The following GPC5 variants were observed in gnomAD, a reference collection of about 807,000 sequenced individuals.
GPC5 encodes glypican 5.
GPC5 carries 47 observed loss-of-function variants against 53.9 expected under a neutral mutation model. The ratio of observed to expected loss-of-function variants is 0.87; its 90% CI spans 0.69 to 1.11. The LOEUF (loss-of-function observed/expected upper bound fraction) is 1.11, where lower values mean the gene tolerates loss of function less well. Among genes scored for constraint, GPC5 ranks in the 50% most tolerant of loss-of-function variants. The pLI is 0.00. For missense variants in GPC5, 748 were observed against 713.1 expected (o/e 1.05, Z -0.56); for synonymous variants, 286 against 263.3 (o/e 1.09, Z -0.84).
chr13:92,399,275 T>C (rs542618974), intron 7 of GPC5, among the ~76,000 whole-genome samples: 6 of 152,302 alleles, frequency 3.9e-5, no homozygotes, highest in South Asian at 2.1e-4. Context: ...TATAGACCCT[T>C]AAAATAATTA....
intron 7 of GPC5, among the ~76,000 whole-genome samples, chr13:92,553,859 T>A (rs1882403617): frequency 1.3e-5 from 2 of 151,980 alleles, no homozygotes; most frequent in Non-Finnish European, 2.9e-5. Context: ...TTTTTAACAG[T>A]TTGCCCAATG....
chr13:92,303,711 A>G (rs1003942065), intron 7 of GPC5, among the ~76,000 whole-genome samples: 2 of 152,214 alleles, frequency 1.3e-5, no homozygotes, highest in African/African-American at 2.4e-5. Flanking sequence ...CCAAGGTCAT[A>G]ATGCATAGAA....
intron 5 of GPC5, among the ~76,000 whole-genome samples, chr13:91,801,810 A>AT (rs1292357510): frequency 6.6e-6 from 1 of 152,198 alleles, no homozygotes; most frequent in Non-Finnish European, 1.5e-5. Flanking sequence ...TTGCACCAGT[A>AT]TTTGAATTCA....
At chr13:92,525,733 G>C (rs1881253430) in intron 7 of GPC5, among the ~76,000 whole-genome samples, 1 of 151,944 alleles carries the variant, frequency 6.6e-6, no homozygotes, top group South Asian at 2.1e-4. Context: ...AACTGCCAAA[G>C]GAAAAGTGAA....
intron 6 of GPC5, among the ~76,000 whole-genome samples, chr13:92,120,942 T>C (rs980663651): frequency 1.3e-5 from 2 of 152,300 alleles, no homozygotes; most frequent in Non-Finnish European, 2.9e-5. Context: ...TTATTTCCTA[T>C]CCACTAGCAT....
chr13:92,398,755 C>CT (rs895595741), intron 7 of GPC5, among the ~76,000 whole-genome samples: 1 of 151,906 alleles, frequency 6.6e-6, no homozygotes, highest in South Asian at 2.1e-4. Flanking sequence ...CGAATAAAAC[C>CT]TTTTTTTTCT....
intron 5 of GPC5, among the ~76,000 whole-genome samples, chr13:91,897,764 A>C (rs1483286091): frequency 2.0e-5 from 3 of 152,312 alleles, no homozygotes; most frequent in Middle Eastern, 3.4e-3. Flanking sequence ...CTCTCTGTTA[A>C]AACACATCTC....
intron 6 of GPC5, among the ~76,000 whole-genome samples, chr13:92,080,218 G>C (rs532860690): frequency 6.6e-6 from 1 of 151,776 alleles, no homozygotes; most frequent in South Asian, 2.1e-4. Flanking sequence ...CTGCACCATC[G>C]TTCTCCACAG....
At chr13:92,412,417 G>C (rs553059590) in intron 7 of GPC5, among the ~76,000 whole-genome samples, 1 of 152,180 alleles carries the variant, frequency 6.6e-6, no homozygotes, top group African/African-American at 2.4e-5. Flanking sequence ...AAATGATATC[G>C]TGTGTTCAGT....
intron 7 of GPC5, among the ~76,000 whole-genome samples, chr13:92,394,264 A>T (rs978286322): frequency 1.3e-5 from 2 of 152,136 alleles, no homozygotes; most frequent in South Asian, 4.1e-4. Flanking sequence ...TCATCTATAC[A>T]TATTTTGTGT....
intron 2 of GPC5, among the ~76,000 whole-genome samples, chr13:91,526,693 A>G (rs1886101317): frequency 6.6e-6 from 1 of 152,140 alleles, no homozygotes; most frequent in African/African-American, 2.4e-5. Flanking sequence ...TGACGCTTGT[A>G]TTAGTCCATT....
chr13:92,758,732 AAAT>A (rs971017789), intron 7 of GPC5, among the ~76,000 whole-genome samples: 1 of 152,084 alleles, frequency 6.6e-6, no homozygotes, highest in African/African-American at 2.4e-5. Context: ...TACCTGTAAA[AAAT>A]AATAATTCAG....
chr13:92,194,852 G>C (rs938300957), intron 7 of GPC5, among the ~76,000 whole-genome samples: 7 of 152,196 alleles, frequency 4.6e-5, no homozygotes, highest in Non-Finnish European at 1.0e-4. Context: ...GGTAGAGTGA[G>C]AAGGAAAGTG....
At chr13:92,767,446 G>C (rs957550300) in intron 7 of GPC5, among the ~76,000 whole-genome samples, 1 of 152,126 alleles carries the variant, frequency 6.6e-6, no homozygotes, top group African/African-American at 2.4e-5. Flanking sequence ...ACTTCAGCCT[G>C]GGCGACATAG....
At chr13:91,564,518 A>G (rs2031436911) in intron 2 of GPC5, among the ~76,000 whole-genome samples, 1 of 152,220 alleles carries the variant, frequency 6.6e-6, no homozygotes, top group African/African-American at 2.4e-5. Flanking sequence ...GTAGATAACG[A>G]TTTAGCAATC....
chr13:92,563,658 T>C (rs1398551923), intron 7 of GPC5, among the ~76,000 whole-genome samples: 2 of 152,056 alleles, frequency 1.3e-5, no homozygotes, highest in Non-Finnish European at 2.9e-5. Context: ...CTGGATTCCA[T>C]TTTAGTGAGT....
At chr13:91,426,248 G>A (rs989788673) in intron 1 of GPC5, among the ~76,000 whole-genome samples, 1 of 151,686 alleles carries the variant, frequency 6.6e-6, no homozygotes, top group Non-Finnish European at 1.5e-5. Context: ...AGACCTTCCC[G>A]GTAGCCCCTC....
intron 7 of GPC5, among the ~76,000 whole-genome samples, chr13:92,657,577 TG>T: frequency 1.5e-5 from 2 of 134,700 alleles, no homozygotes; most frequent in African/African-American, 2.7e-5. Context: ...GAAGGTTTTT[TG>T]GTTTTTTTTT....
At chr13:91,854,576 C>A (rs1329571005) in intron 5 of GPC5, among the ~76,000 whole-genome samples, 1 of 151,602 alleles carries the variant, frequency 6.6e-6, no homozygotes, top group Non-Finnish European at 1.5e-5. Context: ...CCTCTAGTAA[C>A]TATCCTTCTA....
Sources: allele counts gnomAD v4.1 joint callset (sites outside exome capture counted in the v4.1 genomes callset), GRCh38; gene constraint gnomAD v4.1.1; transcripts MANE v1.5; gene names NCBI Gene and HGNC (gene_info 2026-07-23, HGNC 2026-07-21).